Variants in PALLD observed in about 807,000 individuals in gnomAD.
PALLD encodes the protein palladin, cytoskeletal associated protein.
A neutral mutation model predicts 123.5 loss-of-function variants in PALLD; 61 were observed. The ratio of observed to expected loss-of-function variants is 0.49; its 90% CI spans 0.40 to 0.61. The LOEUF is 0.61. Among genes scored for constraint, PALLD ranks in the 20% least tolerant of loss-of-function variants. The pLI, the probability that PALLD is intolerant of heterozygous loss-of-function variation, is 0.00. For missense variants in PALLD, 1,273 were observed against 1,377.0 expected, an observed-to-expected ratio of 0.92 and a Z score of 1.20; for synonymous variants, 465 against 496.4, an observed-to-expected ratio of 0.94 and a Z score of 0.84.
chr4:168,658,883 A>G (rs1174978853), intron 2 of PALLD, among the ~76,000 whole-genome samples: 1 of 152,220 alleles, frequency 6.6e-6, no homozygotes, highest in Non-Finnish European at 1.5e-5. Flanking sequence ...TTGGGGCCAT[A>G]AGGTTAAAGT....
chr4:168,742,373 G>A (rs527578541), intron 10 of PALLD, among the ~76,000 whole-genome samples: 1 of 152,320 alleles, frequency 6.6e-6, no homozygotes, highest in East Asian at 1.9e-4. Flanking sequence ...TGATACAGAG[G>A]CCAAATTTAT....
At chr4:168,917,294 C>T (rs1460817616) in intron 17 of PALLD, among the ~76,000 whole-genome samples, 1 of 152,096 alleles carries the variant, frequency 6.6e-6, no homozygotes, top group South Asian at 2.1e-4. Context: ...GTGATCCGCC[C>T]TCCTCGGCCT....
chr4:168,754,666 A>T (rs772495363), intron 10 of PALLD, among the ~76,000 whole-genome samples: 40 of 152,212 alleles, frequency 2.6e-4, no homozygotes, highest in Non-Finnish European at 4.0e-4. Context: ...GGAGTATCTC[A>T]AAGTAAAATG....
In PALLD at chr4:168,628,781, C is replaced by T. The variant is rs188812838; in HGVS notation, c.909-39409C>T. On this transcript the variant is annotated intron_variant, in intron 2 of 21. Transcript: ENST00000505667. ...TTAACTTGTTTAGTATGTTTGTTTT[C>T]TGCCTAATGTGCCCCTTGCCCAAGA... Among the ~76,000 whole-genome samples the T allele has an allele frequency of 2.6e-5, 4 of 152,284 alleles. No homozygotes were observed. In the South Asian group the frequency reaches 6.2e-4, roughly 24 times the overall value.
At chr4:168,598,243 G>A (rs1279132236) in intron 2 of PALLD, 2 of 392,648 alleles carry the variant, frequency 5.1e-6, no homozygotes, top group South Asian at 2.3e-5. Context: ...AAAAAATTTA[G>A]TTAGCTTCAT....
intron 2 of PALLD, among the ~76,000 whole-genome samples, chr4:168,515,703 G>A (rs1175539912): frequency 6.6e-6 from 1 of 152,164 alleles, no homozygotes; most frequent in African/African-American, 2.4e-5. Flanking sequence ...GAACACGGGG[G>A]AGAAACCTTT....
intron 2 of PALLD, among the ~76,000 whole-genome samples, chr4:168,631,363 G>T (rs1775781152): frequency 6.6e-6 from 1 of 152,232 alleles, no homozygotes; most frequent in Non-Finnish European, 1.5e-5. Flanking sequence ...GGTCTTTAGG[G>T]AATGCCTCAA....
At chr4:168,748,801 C>T (rs1438738106) in intron 10 of PALLD, among the ~76,000 whole-genome samples, 5 of 152,214 alleles carry the variant, frequency 3.3e-5, no homozygotes, top group Non-Finnish European at 7.3e-5. Context: ...GAGGCCACTC[C>T]AGTTATCTGC....
At chr4:168,897,194 A>C (rs1421605221) in intron 13 of PALLD, among the ~76,000 whole-genome samples, 1 of 152,152 alleles carries the variant, frequency 6.6e-6, no homozygotes, top group African/African-American at 2.4e-5. Context: ...AAAATTTTTC[A>C]TTTGTTATAT....
intron 8 of PALLD, among the ~76,000 whole-genome samples, chr4:168,693,282 C>G (rs543379851): frequency 1.3e-5 from 2 of 152,156 alleles, no homozygotes; most frequent in African/African-American, 4.8e-5. Flanking sequence ...TACCCTGCGC[C>G]CTGTGTCCTT....
intron 10 of PALLD, chr4:168,864,364 G>A (rs1293155865): frequency 6.6e-6 from 1 of 152,224 alleles, no homozygotes; most frequent in Non-Finnish European, 1.5e-5. Flanking sequence ...AGTGAAAGAA[G>A]TTCTCACCTT....
chr4:168,627,537 T>C (rs900218807), intron 2 of PALLD, among the ~76,000 whole-genome samples: 15 of 152,096 alleles, frequency 9.9e-5, no homozygotes, highest in Admixed American at 3.3e-4. Context: ...GATAAATAGA[T>C]AGATAGACCA....
intron 10 of PALLD, among the ~76,000 whole-genome samples, chr4:168,777,957 G>A (rs1393244474): frequency 6.6e-6 from 1 of 152,182 alleles, no homozygotes; most frequent in Non-Finnish European, 1.5e-5. Flanking sequence ...AATCAGTCCT[G>A]AAGAACCCAG....
chr4:168,709,538 GGAAGGAAGGAAGGAAGGAAGGAAGGA>G (rs1561429286), intron 9 of PALLD, among the ~76,000 whole-genome samples: 28 of 646 alleles, frequency 0.043, no homozygotes, highest in South Asian at 0.12. Flanking sequence ...AAGGAAGGAA[GGAAGGAAGGAAGGAAGGAAGGAAGGA>G]AGGAAGGAAG....
chr4:168,595,613 A>G (rs1311538005), intron 2 of PALLD, among the ~76,000 whole-genome samples: 2 of 152,160 alleles, frequency 1.3e-5, no homozygotes, highest in African/African-American at 4.8e-5. Flanking sequence ...TGTATGAGTA[A>G]ATGTGTTAAC....
chr4:168,803,182 T>C (rs1581549317), intron 10 of PALLD, among the ~76,000 whole-genome samples: 1 of 152,124 alleles, frequency 6.6e-6, no homozygotes, highest in Non-Finnish European at 1.5e-5. Flanking sequence ...CCACAGGCTG[T>C]ACAGGAAGCA....
intron 10 of PALLD, among the ~76,000 whole-genome samples, chr4:168,802,444 G>C (rs1357893152): frequency 1.2e-4 from 18 of 152,130 alleles, no homozygotes; most frequent in Admixed American, 1.2e-3. Context: ...TGGAACTGGA[G>C]GTCATAATCC....
rs545478294 is a variant in PALLD, at chr4:168,539,761, A to C, written c.908+27349A>C. On this transcript the variant is annotated intron_variant, in intron 2 of 21. Transcript: ENST00000505667. ...GGTACCCTGTTGATTCTTCCAAACTAAAACACAGCTGCATATAATTCAGAT... is the reference window on the plus strand; with the variant it reads ...GGTACCCTGTTGATTCTTCCAAACTCAAACACAGCTGCATATAATTCAGAT... Among the ~76,000 whole-genome samples, 48 of 152,268 alleles carry C rather than the reference A, an allele frequency of 3.2e-4. 1 individual carries two copies. Among genetic ancestry groups the C allele is most frequent in the African/African-American group, 1.1e-3 (44 of 41,552 alleles).
At chr4:168,833,307 G>C (rs1225544939) in intron 10 of PALLD, among the ~76,000 whole-genome samples, 2 of 151,870 alleles carry the variant, frequency 1.3e-5, no homozygotes, top group African/African-American at 2.4e-5. Flanking sequence ...CTGCGGAGCC[G>C]GGTCTTGCGC....
Sources: gnomAD v4.1 joint callset for allele counts (sites outside exome capture counted in the v4.1 genomes callset) on GRCh38, gnomAD v4.1.1 for gene constraint, MANE v1.5 for transcripts, NCBI Gene and HGNC (gene_info 2026-07-23, HGNC 2026-07-21) for gene names.